The following GFRA1 variants were observed in gnomAD, a reference collection of about 807,000 sequenced individuals.
GFRA1 encodes GDNF family receptor alpha 1.
Under a neutral mutation model 51.6 loss-of-function variants are expected in GFRA1, and 16 were observed. That is an observed-to-expected ratio of 0.31 (90% CI 0.21 to 0.47). GFRA1 has a LOEUF of 0.47. GFRA1 is among the 20% of genes least tolerant of loss of function. The pLI is 1.00. For missense variants in GFRA1, 530 were observed against 594.3 expected (o/e 0.89, Z 1.13); for synonymous variants, 270 against 241.3 (o/e 1.12, Z -1.10).
At chr10:116,123,071 G>A (rs185967569) in intron 6 of GFRA1, among the ~76,000 whole-genome samples, 6 of 152,340 alleles carry the variant, frequency 3.9e-5, no homozygotes, top group Admixed American at 6.5e-5. Flanking sequence ...CCATCCCATC[G>A]CTGGACCCCG....
chr10:116,105,887 T>C (rs983162639), intron 6 of GFRA1, among the ~76,000 whole-genome samples: 2 of 152,200 alleles, frequency 1.3e-5, no homozygotes, highest in Admixed American at 6.5e-5. Context: ...TGGACCTGAA[T>C]TCCTAAAACC....
At chr10:116,149,584 C>CT (rs539352156) in intron 5 of GFRA1, among the ~76,000 whole-genome samples, 59 of 152,278 alleles carry the variant, frequency 3.9e-4, no homozygotes, top group Non-Finnish European at 6.6e-4. Flanking sequence ...TACATCATTA[C>CT]TGATGAACAA....
intron 4 of GFRA1, among the ~76,000 whole-genome samples, chr10:116,245,477 G>A (rs548918299): frequency 1.3e-5 from 2 of 152,334 alleles, no homozygotes; most frequent in South Asian, 2.1e-4. Flanking sequence ...CTCAAGGCTA[G>A]TGGGAATGCA....
chr10:116,093,925 T>C, intron 7 of GFRA1, 89 bp from the exon 8 acceptor site: 3 of 1,245,468 alleles, frequency 2.4e-6, no homozygotes, highest in Non-Finnish European at 3.5e-6. Flanking sequence ...TGACGGCGGA[T>C]GCACCGTGGA....
chr10:116,221,954 G>C (rs1277696439), intron 4 of GFRA1, among the ~76,000 whole-genome samples: 1 of 152,166 alleles, frequency 6.6e-6, no homozygotes, highest in East Asian at 1.9e-4. Flanking sequence ...AGGACGTCCT[G>C]CTGGATTAAA....
intron 6 of GFRA1, among the ~76,000 whole-genome samples, chr10:116,098,395 C>A (rs1956690870): frequency 6.6e-6 from 1 of 152,214 alleles, no homozygotes; most frequent in South Asian, 2.1e-4. Context: ...TGTAGCCTGG[C>A]TAAAGGATTC....
At chr10:116,155,087 T>C (rs1959174358) in intron 5 of GFRA1, among the ~76,000 whole-genome samples, 1 of 152,212 alleles carries the variant, frequency 6.6e-6, no homozygotes, top group African/African-American at 2.4e-5. Flanking sequence ...ATAATGACAC[T>C]GTGAATAGCT....
chr10:116,260,404 G>A (rs1341370340), intron 4 of GFRA1, among the ~76,000 whole-genome samples: 1 of 152,186 alleles, frequency 6.6e-6, no homozygotes, highest in African/African-American at 2.4e-5. Context: ...CTATGTGTCT[G>A]TATACGTGTT....
chr10:116,119,131 A>T (rs1337242494), intron 6 of GFRA1, among the ~76,000 whole-genome samples: 2 of 152,090 alleles, frequency 1.3e-5, no homozygotes, highest in African/African-American at 4.8e-5. Context: ...GCACATCAGG[A>T]GGTGGCGCAG....
intron 9 of GFRA1, among the ~76,000 whole-genome samples, chr10:116,083,631 G>A (rs1252296657): frequency 1.2e-4 from 18 of 152,102 alleles, no homozygotes; most frequent in Admixed American, 1.2e-3. Flanking sequence ...TTTTCACTTG[G>A]TCACAGCCAG....
At chr10:116,134,586 G>C (rs370692618) in intron 5 of GFRA1, among the ~76,000 whole-genome samples, 3 of 152,230 alleles carry the variant, frequency 2.0e-5, no homozygotes, top group African/African-American at 7.2e-5. Flanking sequence ...TTTGTCATTC[G>C]TACACTGTTT....
In GFRA1 at chr10:116,114,737, G is replaced by A. The variant is rs1019853793; in HGVS notation, c.770+10484C>T. Among the ~76,000 whole-genome samples the A allele has an allele frequency of 4.7e-5, 7 of 150,054 alleles. No individual in the cohort carries two copies. The East Asian group carries it at 5.8e-4, about 12-fold the overall frequency. ...CAAAGATCTCTCTCTGTTCTGGGGG[G>A]TATCACATTTAAAATCTTAAGCTTT... On this transcript the variant is annotated intron_variant, in intron 6 of 10. Coordinates refer to ENST00000355422, the MANE Select transcript of GFRA1 (RefSeq NM_005264.8).
At chr10:116,093,123 C>T (rs908025494) in intron 8 of GFRA1, among the ~76,000 whole-genome samples, 1 of 152,176 alleles carries the variant, frequency 6.6e-6, no homozygotes, top group Non-Finnish European at 1.5e-5. Flanking sequence ...CCAGAGATAA[C>T]GGGCATCCCG....
At chr10:116,247,487 G>A (rs369429494) in intron 4 of GFRA1, among the ~76,000 whole-genome samples, 5 of 152,128 alleles carry the variant, frequency 3.3e-5, no homozygotes, top group Non-Finnish European at 5.9e-5. Flanking sequence ...TCCTTATCCC[G>A]TGGTCTCTAA....
At chr10:116,194,548 ATGAT>A (rs1963568123) in intron 5 of GFRA1, among the ~76,000 whole-genome samples, 1 of 152,218 alleles carries the variant, frequency 6.6e-6, no homozygotes, top group South Asian at 2.1e-4. Context: ...GGGTTTCTGA[ATGAT>A]TAAGTATTCT....
At chr10:116,071,724 A>C (rs945931113) in intron 9 of GFRA1, among the ~76,000 whole-genome samples, 1 of 152,240 alleles carries the variant, frequency 6.6e-6, no homozygotes, top group African/African-American at 2.4e-5. Context: ...GACTGGGCCC[A>C]TAGGTGGTCA....
intron 5 of GFRA1, among the ~76,000 whole-genome samples, chr10:116,160,683 C>T (rs1324363525): frequency 2.0e-5 from 3 of 152,182 alleles, no homozygotes; most frequent in African/African-American, 4.8e-5. Context: ...AGATCAATGA[C>T]CAATTAATGG....
At chr10:116,152,780 G>A (rs1232112362) in intron 5 of GFRA1, among the ~76,000 whole-genome samples, 1 of 152,182 alleles carries the variant, frequency 6.6e-6, no homozygotes, top group South Asian at 2.1e-4. Flanking sequence ...ACACATTTGT[G>A]ACCATGATCA....
chr10:116,114,169 A>T (rs1304586641), intron 6 of GFRA1, among the ~76,000 whole-genome samples: 1 of 152,080 alleles, frequency 6.6e-6, no homozygotes, highest in Non-Finnish European at 1.5e-5. Flanking sequence ...CACCTCTGAG[A>T]GCCCCTTATT....
Sources: allele counts gnomAD v4.1 joint callset (sites outside exome capture counted in the v4.1 genomes callset), GRCh38; gene constraint gnomAD v4.1.1; transcripts MANE v1.5; gene names NCBI Gene and HGNC (gene_info 2026-07-23, HGNC 2026-07-21).